SLC44A5: variants seen among roughly 807,000 people sequenced by gnomAD.
SLC44A5 encodes solute carrier family 44 member 5, also known as choline transporter-like protein 5.
Under a neutral mutation model 101.8 loss-of-function variants are expected in SLC44A5, and 57 were observed. The ratio of observed to expected loss-of-function variants is 0.56; its 90% CI spans 0.45 to 0.70. The LOEUF (loss-of-function observed/expected upper bound fraction) is 0.70. Ranked by LOEUF, SLC44A5 falls within the 30% of genes least tolerant of loss-of-function variation. SLC44A5 has a pLI of 0.00. For missense variants in SLC44A5, 737 were observed against 853.1 expected (o/e 0.86, Z 1.70); for synonymous variants, 281 against 290.9 (o/e 0.97, Z 0.35).
intron 22 of SLC44A5, among the ~76,000 whole-genome samples, chr1:75,212,899 T>C (rs12741793): frequency 0.35 from 53,648 of 151,972 alleles, 10,530 homozygotes; most frequent in East Asian, 0.81. Context: ...CCATCCTCAA[T>C]TGTTGGAAAT....
At chr1:75,486,144 T>C (rs1431968418) in intron 2 of SLC44A5, among the ~76,000 whole-genome samples, 6 of 152,228 alleles carry the variant, frequency 3.9e-5, no homozygotes, top group African/African-American at 1.4e-4. Flanking sequence ...TTTTCAAATA[T>C]GGTATTTCTC....
chr1:75,328,269 C>G (rs1656760551), intron 4 of SLC44A5, among the ~76,000 whole-genome samples: 1 of 152,180 alleles, frequency 6.6e-6, no homozygotes, highest in South Asian at 2.1e-4. Flanking sequence ...CATTTAGCAG[C>G]AAGACAGCCT....
chr1:75,444,580 G>GTT (rs1444677681), intron 2 of SLC44A5, among the ~76,000 whole-genome samples: 1 of 147,424 alleles, frequency 6.8e-6, no homozygotes, highest in Non-Finnish European at 1.5e-5. Context: ...TTTTTGCTTT[G>GTT]TTTTTTTTTT....
At chr1:75,669,437 A>G in the SLC44A5 span, among the ~76,000 whole-genome samples, 1 of 152,218 alleles carries the variant, frequency 6.6e-6, no homozygotes, top group African/African-American at 2.4e-5. Context: ...GACAGCCCCT[A>G]GAGTGTATTA....
chr1:75,424,590 A>G (rs949958588), intron 2 of SLC44A5, among the ~76,000 whole-genome samples: 1 of 152,200 alleles, frequency 6.6e-6, no homozygotes, highest in African/African-American at 2.4e-5. Flanking sequence ...TACCTGATAC[A>G]TTATCATAAC....
chr1:75,605,120 G>A (rs1023323846), intron 1 of SLC44A5, among the ~76,000 whole-genome samples: 1 of 151,912 alleles, frequency 6.6e-6, no homozygotes, highest in African/African-American at 2.4e-5. Flanking sequence ...CCTGATTTTT[G>A]TCTTTGACTT....
intron 6 of SLC44A5, among the ~76,000 whole-genome samples, chr1:75,272,174 T>G (rs1651532162): frequency 6.6e-6 from 1 of 152,166 alleles, no homozygotes; most frequent in Non-Finnish European, 1.5e-5. Flanking sequence ...TGTATTTTTC[T>G]TGCTGATTTG....
chr1:75,325,109 G>A (rs1340272932), intron 4 of SLC44A5, among the ~76,000 whole-genome samples: 1 of 152,140 alleles, frequency 6.6e-6, no homozygotes, highest in Non-Finnish European at 1.5e-5. Flanking sequence ...TAAATGGAGT[G>A]TATAATGCAT....
chr1:75,673,405 G>A, the SLC44A5 span, among the ~76,000 whole-genome samples: 10 of 151,916 alleles, frequency 6.6e-5, no homozygotes, highest in Non-Finnish European at 1.3e-4. Flanking sequence ...TAGTAGAATA[G>A]ACCACCAGGT....
At chr1:75,356,100 C>T (rs772575405) in intron 3 of SLC44A5, among the ~76,000 whole-genome samples, 2 of 150,064 alleles carry the variant, frequency 1.3e-5, no homozygotes, top group Non-Finnish European at 2.9e-5. Flanking sequence ...GTAACCCCAG[C>T]TACTCAGGAG....
chr1:75,446,418 T>C (rs1665579143), intron 2 of SLC44A5, among the ~76,000 whole-genome samples: 1 of 152,162 alleles, frequency 6.6e-6, no homozygotes, highest in Non-Finnish European at 1.5e-5. Flanking sequence ...AATGTTGAGA[T>C]TACTCACTCT....
At chr1:75,368,822 G>T (rs1001354243) in intron 3 of SLC44A5, among the ~76,000 whole-genome samples, 4 of 152,148 alleles carry the variant, frequency 2.6e-5, no homozygotes, top group Admixed American at 1.3e-4. Context: ...TTTCACTTCT[G>T]TCATGATCTA....
intron 1 of SLC44A5, chr1:75,582,239 CACA>C (rs1673737525): frequency 2.1e-6 from 3 of 1,417,386 alleles, no homozygotes; most frequent in African/African-American, 1.4e-5. Flanking sequence ...TGCCAAGAAG[CACA>C]ACAAGAAGGG....
the SLC44A5 span, among the ~76,000 whole-genome samples, chr1:75,657,801 A>C: frequency 1.3e-5 from 2 of 152,220 alleles, no homozygotes; most frequent in East Asian, 3.9e-4. Flanking sequence ...CAAAAGGAAG[A>C]AGTAGACTGC....
At chr1:75,636,325 G>C in the SLC44A5 span, among the ~76,000 whole-genome samples, 4 of 151,970 alleles carry the variant, frequency 2.6e-5, no homozygotes, top group African/African-American at 7.3e-5. Context: ...CTGGCACAGA[G>C]TAAACAATAA....
intron 14 of SLC44A5, among the ~76,000 whole-genome samples, chr1:75,221,960 CT>C (rs1386952425): frequency 2.0e-3 from 196 of 97,154 alleles, no homozygotes; most frequent in Admixed American, 3.2e-3. Context: ...TCTTCTTCTT[CT>C]TTTTTTTTTT....
At chr1:75,390,107 G>A (rs1460310617) in intron 3 of SLC44A5, among the ~76,000 whole-genome samples, 1 of 151,966 alleles carries the variant, frequency 6.6e-6, no homozygotes, top group African/African-American at 2.4e-5. Context: ...GATTTAATCA[G>A]GAAGAAACTG....
chr1:75,335,814 C>T (rs191710361), intron 4 of SLC44A5, among the ~76,000 whole-genome samples: 213 of 152,292 alleles, frequency 1.4e-3, no homozygotes, highest in African/African-American at 4.9e-3. Context: ...AAGTGCCTCC[C>T]ATAAATTAGT....
intron 2 of SLC44A5, among the ~76,000 whole-genome samples, chr1:75,498,095 T>A (rs1254177620): frequency 6.6e-6 from 1 of 152,214 alleles, no homozygotes; most frequent in Non-Finnish European, 1.5e-5. Flanking sequence ...GATCATTATG[T>A]ATACATTAAG....
Sources: allele counts gnomAD v4.1 joint callset (sites outside exome capture counted in the v4.1 genomes callset), GRCh38; gene constraint gnomAD v4.1.1; transcripts MANE v1.5; gene names NCBI Gene and HGNC (gene_info 2026-07-23, HGNC 2026-07-21).